Variants in WDR20 observed in about 807,000 individuals in gnomAD.
The protein encoded by WDR20 is WD repeat-containing protein 20.
In WDR20, 3 loss-of-function variants were observed where a neutral mutation model predicts 38.7. The observed-to-expected ratio is 0.08, with a 90% CI of 0.04 to 0.20. The LOEUF (loss-of-function observed/expected upper bound fraction) is 0.20, where lower values mean the gene tolerates loss of function less well. WDR20 is among the 10% of genes least tolerant of loss of function. WDR20 has a pLI of 1.00. For missense variants in WDR20, 559 were observed against 727.7 expected, an observed-to-expected ratio of 0.77 and a Z score of 2.67; for synonymous variants, 298 against 285.6, an observed-to-expected ratio of 1.04 and a Z score of -0.44.
chr14:102,172,301 C>G (rs1190087272), intron 1 of WDR20, among the ~76,000 whole-genome samples: 1 of 150,760 alleles, frequency 6.6e-6, no homozygotes, highest in Non-Finnish European at 1.5e-5. Flanking sequence ...TCTCCCATGT[C>G]TGCTTCTTTC....
intron 1 of WDR20, among the ~76,000 whole-genome samples, chr14:102,168,746 C>A (rs889569427): frequency 1.2e-4 from 18 of 152,084 alleles, no homozygotes; most frequent in Non-Finnish European, 2.1e-4. Context: ...CGATCTACTT[C>A]CAGTCCTTTC....
At chr14:102,212,997 C>T (rs971956676), downstream of WDR20, 13 of 995,004 alleles carry the variant, frequency 1.3e-5, no homozygotes, top group African/African-American at 1.4e-4. Context: ...GTGCACGCTG[C>T]GTGGCTGGAG....
At chr14:102,213,131 A>G (rs552393154), downstream of WDR20, 2 of 986,134 alleles carry the variant, frequency 2.0e-6, no homozygotes, top group East Asian at 1.1e-4. Flanking sequence ...CTTTTTCACC[A>G]GAATTCAAGA....
At chr14:102,152,793 G>A (rs1183241517) in intron 1 of WDR20, among the ~76,000 whole-genome samples, 1 of 152,174 alleles carries the variant, frequency 6.6e-6, no homozygotes, top group Non-Finnish European at 1.5e-5. Flanking sequence ...GTGAGAAAAT[G>A]AGATTTGTAG....
downstream of WDR20, chr14:102,212,676 C>G (rs1438596387): frequency 2.6e-6 from 4 of 1,518,590 alleles, no homozygotes; most frequent in Non-Finnish European, 3.5e-6. Context: ...CTCCCGCAGA[C>G]CTGGGGAGGG....
At chr14:102,156,834 T>C (rs776664398) in intron 1 of WDR20, among the ~76,000 whole-genome samples, 29 of 151,742 alleles carry the variant, frequency 1.9e-4, no homozygotes, top group Admixed American at 6.6e-4. Flanking sequence ...CTTCTTAAAA[T>C]ACAAAAACTA....
At chr14:102,204,153 G>A (rs2061059086) in intron 2 of WDR20, among the ~76,000 whole-genome samples, 1 of 152,160 alleles carries the variant, frequency 6.6e-6, no homozygotes, top group African/African-American at 2.4e-5. Flanking sequence ...ACGGGAGACA[G>A]CATGCTCGCT....
At chr14:102,193,381 A>G (rs1311487271) in intron 1 of WDR20, 1 of 1,386,918 alleles carries the variant, frequency 7.2e-7, no homozygotes, top group East Asian at 2.3e-5. Context: ...TCCAGTCAGG[A>G]CTCCCTTTTG....
chr14:102,172,558 G>A (rs113531416), intron 1 of WDR20, among the ~76,000 whole-genome samples: 19 of 136,910 alleles, frequency 1.4e-4, no homozygotes, highest in East Asian at 8.9e-4. Flanking sequence ...CCTCCCTCCC[G>A]GACGGGGCGG....
intron 1 of WDR20, among the ~76,000 whole-genome samples, chr14:102,175,152 C>T (rs147492601): frequency 1.4e-3 from 218 of 152,150 alleles, no homozygotes; most frequent in Middle Eastern, 3.4e-3. Flanking sequence ...AGGATTTTTC[C>T]GGTATTATCT....
At chr14:102,148,833 C>T (rs187710042) in intron 1 of WDR20, among the ~76,000 whole-genome samples, 1 of 152,144 alleles carries the variant, frequency 6.6e-6, no homozygotes, top group East Asian at 1.9e-4. Flanking sequence ...ATTGGGACTA[C>T]AGGCATGTGC....
intron 1 of WDR20, among the ~76,000 whole-genome samples, chr14:102,192,181 A>ATT (rs761284711): frequency 2.7e-4 from 38 of 143,188 alleles, no homozygotes; most frequent in African/African-American, 7.6e-4. Flanking sequence ...ATTTACCTGA[A>ATT]TTTTTTTTTT....
chr14:102,154,329 C>T (rs2056865743), intron 1 of WDR20, among the ~76,000 whole-genome samples: 1 of 152,166 alleles, frequency 6.6e-6, no homozygotes, highest in African/African-American at 2.4e-5. Context: ...GATTCATTAT[C>T]TGGTGAGGGC....
intron 1 of WDR20, among the ~76,000 whole-genome samples, chr14:102,183,132 T>C (rs893600656): frequency 4.6e-5 from 7 of 152,138 alleles, no homozygotes; most frequent in African/African-American, 1.7e-4. Flanking sequence ...ATTCGACATA[T>C]ATGACAAATG....
At chr14:102,198,241 G>C in intron 2 of WDR20, 1 of 272,964 alleles carries the variant, frequency 3.7e-6, no homozygotes, top group South Asian at 2.9e-5. Context: ...CTATTCTTGT[G>C]CCTCACCCAC....
chr14:102,202,184 A>C (rs2060520163), intron 2 of WDR20, among the ~76,000 whole-genome samples: 2 of 145,234 alleles, frequency 1.4e-5, no homozygotes, highest in East Asian at 2.0e-4. Flanking sequence ...CCTAAGGACC[A>C]CCCCCTCCCT....
At chr14:102,212,250 T>C (rs1487624229), downstream of WDR20, among the ~76,000 whole-genome samples, 9 of 152,346 alleles carry the variant, frequency 5.9e-5, no homozygotes, top group East Asian at 1.5e-3. Context: ...GATAACAATC[T>C]TTTTCTTCCA....
At chr14:102,212,919 TACTC>T (rs1178380702), downstream of WDR20, 59 of 1,089,024 alleles carry the variant, frequency 5.4e-5, no homozygotes, top group African/African-American at 8.1e-5. Flanking sequence ...GGCTGTTAAA[TACTC>T]AGTCAGCATC....
At chr14:102,153,306 T>C (rs2056539194) in intron 1 of WDR20, among the ~76,000 whole-genome samples, 1 of 80,346 alleles carries the variant, frequency 1.2e-5, no homozygotes, top group African/African-American at 3.7e-5. Context: ...GAAACCTCTT[T>C]CTTTTTTTTT....
Sources: allele counts gnomAD v4.1 joint callset (sites outside exome capture counted in the v4.1 genomes callset), GRCh38; gene constraint gnomAD v4.1.1; transcripts MANE v1.5; gene names NCBI Gene and HGNC (gene_info 2026-07-23, HGNC 2026-07-21).